Variants in GTF2F2 observed in about 807,000 individuals in gnomAD.
The protein encoded by GTF2F2 is ATP-dependent helicase GTF2F2.
Under a neutral mutation model 42.2 loss-of-function variants are expected in GTF2F2, and 23 were observed. The observed-to-expected ratio is 0.55, with a 90% CI of 0.39 to 0.77. GTF2F2 has a LOEUF of 0.77. GTF2F2 is among the 30% of genes least tolerant of loss of function. The probability of loss-of-function intolerance (pLI) is 0.00; values close to 1 mark genes in which losing one functional copy is unlikely to be tolerated. For synonymous variants in GTF2F2, 105 were observed against 100.8 expected, an observed-to-expected ratio of 1.04 and a Z score of -0.25; for missense variants, 261 against 287.2, an observed-to-expected ratio of 0.91 and a Z score of 0.66.
intron 4 of GTF2F2, among the ~76,000 whole-genome samples, chr13:45,188,689 T>C (rs1872518568): frequency 6.6e-6 from 1 of 152,228 alleles, no homozygotes; most frequent in African/African-American, 2.4e-5. Flanking sequence ...CTTATAATCA[T>C]GTAAGCAAGT....
At chr13:45,217,427 G>A (rs562743486) in intron 5 of GTF2F2, among the ~76,000 whole-genome samples, 93 of 151,716 alleles carry the variant, frequency 6.1e-4, no homozygotes, top group Non-Finnish European at 1.3e-3. Context: ...CTCACATTTT[G>A]CTTTTTATTT....
At chr13:45,132,100 A>G (rs1869386427) in intron 1 of GTF2F2, among the ~76,000 whole-genome samples, 1 of 152,200 alleles carries the variant, frequency 6.6e-6, no homozygotes, top group South Asian at 2.1e-4. Flanking sequence ...ATATATTTAC[A>G]GCATTTAGAA....
At chr13:45,266,414 A>T (rs995632392) in intron 6 of GTF2F2, among the ~76,000 whole-genome samples, 2 of 152,186 alleles carry the variant, frequency 1.3e-5, no homozygotes, top group Non-Finnish European at 2.9e-5. Context: ...CAGGGTCAGG[A>T]TGAGAAAAGG....
rs571220194 is a variant in GTF2F2 at position 45,152,569 on chromosome 13, A to G, written c.304+738A>G. 2.6e-5 allele frequency among the ~76,000 whole-genome samples: 4 copies of G among 152,352 alleles called. No homozygotes were observed. The East Asian group carries it at 5.8e-4, about 22-fold the overall frequency. On this transcript the variant is annotated intron_variant, in intron 4 of 7. Coordinates refer to ENST00000340473, the MANE Select transcript of GTF2F2 (RefSeq NM_004128.3). ...GGAATATTTTAGTCTGAATTTTTCA[A>G]CTTGTATGCTTTGTATACCAAGAGG...
chr13:45,267,638 G>C (rs1015817677), intron 7 of GTF2F2, among the ~76,000 whole-genome samples: 1 of 152,094 alleles, frequency 6.6e-6, no homozygotes, highest in Non-Finnish European at 1.5e-5. Context: ...CCTGAAATCT[G>C]TTGATACCAT....
intron 6 of GTF2F2, among the ~76,000 whole-genome samples, chr13:45,262,086 A>C (rs1293408358): frequency 6.6e-6 from 1 of 152,188 alleles, no homozygotes; most frequent in Non-Finnish European, 1.5e-5. Flanking sequence ...AAAAAAATTT[A>C]ACTGGCTGGG....
At chr13:45,249,827 C>G (rs1875800536) in intron 5 of GTF2F2, among the ~76,000 whole-genome samples, 1 of 152,096 alleles carries the variant, frequency 6.6e-6, no homozygotes. Flanking sequence ...GATGGGGGGC[C>G]AAGATTAGGA....
chr13:45,240,744 C>T (rs1258947415), intron 5 of GTF2F2, among the ~76,000 whole-genome samples: 1 of 152,074 alleles, frequency 6.6e-6, no homozygotes, highest in African/African-American at 2.4e-5. Context: ...AGGAGAATCG[C>T]TTGAACCTGG....
At chr13:45,212,494 T>C (rs372307891) in intron 5 of GTF2F2, among the ~76,000 whole-genome samples, 1 of 120,572 alleles carries the variant, frequency 8.3e-6, no homozygotes, top group East Asian at 2.0e-4. Flanking sequence ...TTTCTTTCTT[T>C]CTTTCTTTCT....
At chr13:45,142,483 A>C (rs1158811052) in intron 2 of GTF2F2, among the ~76,000 whole-genome samples, 1 of 152,126 alleles carries the variant, frequency 6.6e-6, no homozygotes, top group Non-Finnish European at 1.5e-5. Flanking sequence ...AATTTCTTAA[A>C]AGGGAATCTA....
At chr13:45,213,074 ATTC>A (rs1301259592) in intron 5 of GTF2F2, among the ~76,000 whole-genome samples, 2 of 131,620 alleles carry the variant, frequency 1.5e-5, no homozygotes, top group Non-Finnish European at 1.6e-5. Flanking sequence ...ATTTATTCTT[ATTC>A]TTCTTCTTAT....
chr13:45,136,684 A>C, intron 1 of GTF2F2, 49 bp from the exon 2 acceptor site: 1 of 949,534 alleles, frequency 1.1e-6, no homozygotes, highest in Non-Finnish European at 1.7e-6. Context: ...TATGTTTGAA[A>C]AGATGTTAGC....
intron 4 of GTF2F2, among the ~76,000 whole-genome samples, chr13:45,172,147 A>T (rs770136065): frequency 6.6e-6 from 1 of 152,094 alleles, no homozygotes; most frequent in Non-Finnish European, 1.5e-5. Context: ...GAGGGTTCCA[A>T]TTTCACCACA....
intron 7 of GTF2F2, among the ~76,000 whole-genome samples, chr13:45,269,288 A>G (rs1157968651): frequency 1.3e-5 from 2 of 152,194 alleles, no homozygotes; most frequent in Non-Finnish European, 2.9e-5. Flanking sequence ...TCCAAGGGCC[A>G]CCATATTTTC....
intron 4 of GTF2F2, among the ~76,000 whole-genome samples, chr13:45,190,656 C>T (rs529807564): frequency 1.3e-5 from 2 of 152,074 alleles, no homozygotes; most frequent in African/African-American, 4.8e-5. Context: ...GCATGGTATC[C>T]GGCATATAGT....
At chr13:45,251,664 C>A (rs530318078) in intron 5 of GTF2F2, among the ~76,000 whole-genome samples, 1 of 152,144 alleles carries the variant, frequency 6.6e-6, no homozygotes, top group South Asian at 2.1e-4. Context: ...GTAACCATTG[C>A]ATCTCACTGC....
chr13:45,268,807 T>C (rs1876672256), intron 7 of GTF2F2, among the ~76,000 whole-genome samples: 1 of 152,196 alleles, frequency 6.6e-6, no homozygotes. Flanking sequence ...ATTCAGATGA[T>C]ACTAGGGAAA....
intron 5 of GTF2F2, among the ~76,000 whole-genome samples, chr13:45,238,087 G>A (rs1875081903): frequency 1.3e-5 from 2 of 152,120 alleles, no homozygotes; most frequent in Admixed American, 1.3e-4. Context: ...CAGAGTAGCT[G>A]GGATTACAGG....
intron 4 of GTF2F2, among the ~76,000 whole-genome samples, chr13:45,164,071 G>A (rs187629823): frequency 8.5e-4 from 129 of 152,224 alleles, no homozygotes; most frequent in African/African-American, 2.5e-3. Flanking sequence ...ATTCCAGCCA[G>A]GAGTTCAAGA....
Sources: gnomAD v4.1 joint callset for allele counts (sites outside exome capture counted in the v4.1 genomes callset) on GRCh38, gnomAD v4.1.1 for gene constraint, MANE v1.5 for transcripts, NCBI Gene and HGNC (gene_info 2026-07-23, HGNC 2026-07-21) for gene names.